ULK4: variants seen among roughly 807,000 people sequenced by gnomAD.
ULK4 encodes inactive serine/threonine-protein kinase ULK4.
In ULK4, 133 loss-of-function variants were observed where a neutral mutation model predicts 160.6. That is an observed-to-expected ratio of 0.83 (90% CI 0.72 to 0.96). ULK4 has a LOEUF of 0.96. Ranked by LOEUF, ULK4 falls within the 40% of genes least tolerant of loss-of-function variation. The pLI, the probability that ULK4 is intolerant of heterozygous loss-of-function variation, is 0.00. For missense variants in ULK4, 1,580 were observed against 1,499.5 expected, an observed-to-expected ratio of 1.05 and a Z score of -0.89; for synonymous variants, 534 against 539.8, an observed-to-expected ratio of 0.99 and a Z score of 0.15.
chr3:41,753,016 C>T (rs181686664), intron 22 of ULK4, among the ~76,000 whole-genome samples: 1 of 152,240 alleles, frequency 6.6e-6, no homozygotes, highest in East Asian at 1.9e-4. Context: ...AGTTCAAGAC[C>T]AGCCTGGACA....
intron 35 of ULK4, among the ~76,000 whole-genome samples, chr3:41,300,840 TATATATATATA>T (rs2079776203): frequency 2.3e-4 from 5 of 22,208 alleles, no homozygotes; most frequent in African/African-American, 7.5e-4. Flanking sequence ...TTACAGATTA[TATATATATATA>T]TATATATATA....
At chr3:41,268,320 C>T (rs566089952) in intron 35 of ULK4, among the ~76,000 whole-genome samples, 70 of 152,316 alleles carry the variant, frequency 4.6e-4, no homozygotes, top group African/African-American at 1.7e-3. Context: ...CACTGGACTA[C>T]AAACCCTTCT....
chr3:41,751,001 GA>G (rs1473996220), intron 22 of ULK4, among the ~76,000 whole-genome samples: 2 of 138,216 alleles, frequency 1.4e-5, no homozygotes, highest in African/African-American at 5.7e-5. Context: ...AGAGAGAGAG[GA>G]AGGGAGGGAA....
intron 17 of ULK4, among the ~76,000 whole-genome samples, chr3:41,837,894 T>G (rs1310184033): frequency 6.6e-6 from 1 of 152,214 alleles, no homozygotes; most frequent in Admixed American, 6.5e-5. Context: ...ACGTATTCTA[T>G]TGTATGGATG....
intron 32 of ULK4, among the ~76,000 whole-genome samples, chr3:41,476,097 AG>A (rs932975717): frequency 4.0e-5 from 6 of 151,754 alleles, no homozygotes; most frequent in African/African-American, 1.5e-4. Flanking sequence ...GAGGGCAAGC[AG>A]GAAGGCTTAA....
chr3:41,646,831 A>G (rs181522436), intron 30 of ULK4, among the ~76,000 whole-genome samples: 14 of 152,326 alleles, frequency 9.2e-5, no homozygotes, highest in Admixed American at 4.6e-4. Context: ...CAGGTACACC[A>G]ATCAGATACA....
At chr3:41,674,883 G>GC (rs1172626121) in intron 29 of ULK4, among the ~76,000 whole-genome samples, 3 of 152,104 alleles carry the variant, frequency 2.0e-5, no homozygotes, top group Non-Finnish European at 4.4e-5. Flanking sequence ...TTGAGTAATT[G>GC]CCCCCCAAAA....
chr3:41,354,589 GA>G (rs1207219249), intron 35 of ULK4, among the ~76,000 whole-genome samples: 1 of 152,092 alleles, frequency 6.6e-6, no homozygotes, highest in African/African-American at 2.4e-5. Flanking sequence ...TTGAGGTAAG[GA>G]CACAGTAGAG....
At chr3:41,514,312 A>G (rs907541299) in intron 32 of ULK4, among the ~76,000 whole-genome samples, 1 of 152,232 alleles carries the variant, frequency 6.6e-6, no homozygotes, top group Non-Finnish European at 1.5e-5. Flanking sequence ...TTACTTTTAC[A>G]TAAAATGCAG....
intron 20 of ULK4, among the ~76,000 whole-genome samples, chr3:41,794,685 AACACAG>A (rs2040251470): frequency 7.8e-6 from 1 of 129,026 alleles, no homozygotes; most frequent in African/African-American, 3.2e-5. Context: ...AAAAAAAAAA[AACACAG>A]AAAAAAAAAC....
At chr3:41,565,948 T>C in intron 32 of ULK4, 77 bp downstream of exon 32, 1 of 1,108,990 alleles carries the variant, frequency 9.0e-7, no homozygotes, top group Non-Finnish European at 1.3e-6. Flanking sequence ...AAGTGGTACT[T>C]CTAGACTCCA....
intron 32 of ULK4, among the ~76,000 whole-genome samples, chr3:41,550,302 T>G (rs1395585716): frequency 2.0e-5 from 3 of 151,976 alleles, no homozygotes; most frequent in Non-Finnish European, 4.4e-5. Context: ...AATAATAACC[T>G]TGAATATAAA....
At chr3:41,654,175 T>C (rs1000913260) in intron 30 of ULK4, among the ~76,000 whole-genome samples, 4 of 152,194 alleles carry the variant, frequency 2.6e-5, no homozygotes, top group Non-Finnish European at 4.4e-5. Flanking sequence ...AAAGATAACA[T>C]GTATCTATTG....
chr3:41,466,059 G>A (rs768843461), intron 32 of ULK4, among the ~76,000 whole-genome samples: 2 of 152,094 alleles, frequency 1.3e-5, no homozygotes, highest in East Asian at 3.9e-4. Flanking sequence ...GGTTTCAATT[G>A]ATTTCAATCA....
intron 32 of ULK4, among the ~76,000 whole-genome samples, chr3:41,558,735 A>C (rs2087412609): frequency 6.6e-6 from 1 of 151,730 alleles, no homozygotes; most frequent in African/African-American, 2.4e-5. Flanking sequence ...AAAGGAAAGA[A>C]AAAGAAATAG....
chr3:41,566,049 T>C lies in ULK4; in HGVS notation c.3202A>G (p.Asn1068Asp). ...CCTTGTTCATAAAGTAGTTCCATAT[T>C]CGAATCTTTGCAGGCAACTAGATTG... ...LSNLVACKDS[N>D]MELLYEQGLV... Residue 1068 changes from asparagine (N) to aspartate (D), a missense_variant, in exon 32 of 37, where the codon AAT becomes GAT. Transcript: ENST00000301831. The C allele has an allele frequency of 6.2e-7, 1 of 1,613,826 alleles. No homozygotes were observed. The highest frequency in any genetic ancestry group is 8.5e-7 in the Non-Finnish European group (1 of 1,179,918).
chr3:41,441,709 T>G (rs527630664), intron 34 of ULK4, among the ~76,000 whole-genome samples: 20 of 152,258 alleles, frequency 1.3e-4, no homozygotes, highest in African/African-American at 4.8e-4. Context: ...CAGGTAAAGT[T>G]AGGTGGTAGT....
At chr3:41,789,932 G>GT in intron 20 of ULK4, 89 bp from the exon 21 acceptor site, 1 of 1,212,514 alleles carries the variant, frequency 8.2e-7, no homozygotes, top group Non-Finnish European at 1.1e-6. Flanking sequence ...GTGTCAAGGA[G>GT]TAGAAGGTGC....
intron 32 of ULK4, among the ~76,000 whole-genome samples, chr3:41,491,269 A>G (rs1366049722): frequency 6.6e-6 from 1 of 152,176 alleles, no homozygotes; most frequent in East Asian, 1.9e-4. Flanking sequence ...ATAAATAGTC[A>G]ACATGTTATT....
Sources: gnomAD v4.1 joint callset for allele counts (sites outside exome capture counted in the v4.1 genomes callset) on GRCh38, gnomAD v4.1.1 for gene constraint, MANE v1.5 for transcripts, NCBI Gene and HGNC (gene_info 2026-07-23, HGNC 2026-07-21) for gene names.